The following SORCS2 variants were observed in gnomAD, a reference collection of about 807,000 sequenced individuals.
SORCS2 encodes the protein sortilin related VPS10 domain containing receptor 2, also known as VPS10 domain-containing receptor SorCS2.
A neutral mutation model predicts 141.6 loss-of-function variants in SORCS2; 100 were observed. That is an observed-to-expected ratio of 0.71 (90% CI 0.60 to 0.83). The LOEUF is 0.83. Ranked by LOEUF, SORCS2 falls within the 40% of genes least tolerant of loss-of-function variation. SORCS2 has a pLI of 0.00. For synonymous variants in SORCS2, 789 were observed against 676.9 expected (o/e 1.17, Z -2.57); for missense variants, 1,646 against 1,560.2 (o/e 1.05, Z -0.93).
At chr4:7,413,710 C>T (rs943323492) in intron 2 of SORCS2, among the ~76,000 whole-genome samples, 4 of 152,076 alleles carry the variant, frequency 2.6e-5, no homozygotes, top group Non-Finnish European at 5.9e-5. Context: ...TTTTTAATGG[C>T]TGTATAATAT....
At chr4:7,443,084 G>A (rs1365205735) in intron 2 of SORCS2, among the ~76,000 whole-genome samples, 2 of 152,186 alleles carry the variant, frequency 1.3e-5, no homozygotes, top group Non-Finnish European at 2.9e-5. Flanking sequence ...ATTGGATTTA[G>A]GGCCCATCTG....
rs115698327 is a variant in SORCS2 at position 7,209,180 on chromosome 4, C to T, written c.480+16054C>T. 8.8e-3 allele frequency among the ~76,000 whole-genome samples: 1,342 copies of T among 152,332 alleles called. 14 individuals are homozygous for T. Among genetic ancestry groups the T allele is most frequent in the African/African-American group, 0.028 (1,182 of 41,558 alleles). ...ACATGTGGAGGTCTTGCCCCGGTGC[C>T]GGACAGCCAGCATATGCTCAGATGC... On this transcript the variant is annotated intron_variant, in intron 1 of 26. Coordinates refer to ENST00000507866, the MANE Select transcript of SORCS2 (RefSeq NM_020777.3).
At chr4:7,634,928 G>T (rs1247105576) in intron 3 of SORCS2, among the ~76,000 whole-genome samples, 2 of 152,216 alleles carry the variant, frequency 1.3e-5, no homozygotes, top group Non-Finnish European at 2.9e-5. Context: ...GCATCCTCCA[G>T]CGTGCCTGGC....
chr4:7,392,898 CGGG>C (rs11299698), intron 1 of SORCS2, among the ~76,000 whole-genome samples: 7,694 of 137,652 alleles, frequency 0.056, 401 homozygotes, highest in African/African-American at 0.12. Flanking sequence ...CCCTCCCAGT[CGGG>C]GGGGGGGGGG....
chr4:7,362,166 G>A (rs1335806261), intron 1 of SORCS2, among the ~76,000 whole-genome samples: 3 of 152,060 alleles, frequency 2.0e-5, no homozygotes, highest in African/African-American at 7.3e-5. Context: ...AGAACAAGAT[G>A]GCAAGATGGG....
intron 11 of SORCS2, 49 bp downstream of exon 11, chr4:7,689,637 G>A (rs1724090859): frequency 7.3e-6 from 11 of 1,503,690 alleles, no homozygotes; most frequent in Non-Finnish European, 9.9e-6. Flanking sequence ...TACAGCCCAA[G>A]AGTACCTCCA....
At chr4:7,435,071 A>G in intron 2 of SORCS2, 1 of 615,930 alleles carries the variant, frequency 1.6e-6, no homozygotes. Context: ...CTGGAACACT[A>G]TCCCTCCCCT....
intron 4 of SORCS2, among the ~76,000 whole-genome samples, chr4:7,640,346 G>A (rs958841766): frequency 6.7e-6 from 1 of 150,296 alleles, no homozygotes; most frequent in Non-Finnish European, 1.5e-5. Flanking sequence ...GTGTGAGAGT[G>A]TGAGAGCCTA....
intron 2 of SORCS2, chr4:7,433,566 G>A (rs771762019): frequency 1.2e-6 from 2 of 1,611,668 alleles, no homozygotes; most frequent in South Asian, 2.2e-5. Flanking sequence ...CGAAGTGCTT[G>A]CACTGGATCA....
intron 3 of SORCS2, among the ~76,000 whole-genome samples, chr4:7,610,818 G>C (rs1030084960): frequency 3.9e-5 from 6 of 152,176 alleles, no homozygotes; most frequent in African/African-American, 1.4e-4. Flanking sequence ...GCCAAGGTGG[G>C]TGGAAGAGCA....
intron 2 of SORCS2, among the ~76,000 whole-genome samples, chr4:7,528,536 G>T (rs1043593378): frequency 3.3e-5 from 5 of 151,954 alleles, no homozygotes; most frequent in African/African-American, 1.2e-4. Flanking sequence ...AGAGATTCTC[G>T]TGCCTCAGCC....
At chr4:7,439,470 T>C (rs1229421366) in intron 2 of SORCS2, among the ~76,000 whole-genome samples, 1 of 152,232 alleles carries the variant, frequency 6.6e-6, no homozygotes, top group Non-Finnish European at 1.5e-5. Flanking sequence ...TCTGCTGAGA[T>C]AAATTTCACC....
chr4:7,511,480 AG>A (rs11362691), intron 2 of SORCS2, among the ~76,000 whole-genome samples: 4,201 of 132,178 alleles, frequency 0.032, 104 homozygotes, highest in African/African-American at 0.077. Flanking sequence ...AACTTGGGGG[AG>A]GGGGGGTGGA....
chr4:7,682,296 G>A (rs1723573243), intron 9 of SORCS2, among the ~76,000 whole-genome samples: 1 of 152,132 alleles, frequency 6.6e-6, no homozygotes, highest in Non-Finnish European at 1.5e-5. Context: ...GGGGTCCGCA[G>A]AGGCAAGCCC....
chr4:7,326,518 C>G (rs547779807), intron 1 of SORCS2, among the ~76,000 whole-genome samples: 62 of 152,272 alleles, frequency 4.1e-4, no homozygotes, highest in African/African-American at 1.4e-3. Context: ...GGAACCTTGC[C>G]GAGGTCTGTT....
intron 3 of SORCS2, among the ~76,000 whole-genome samples, chr4:7,612,181 G>A (rs1718449373): frequency 6.6e-6 from 1 of 152,206 alleles, no homozygotes; most frequent in Admixed American, 6.5e-5. Flanking sequence ...TCATCAGCCA[G>A]GATGCGGGAG....
intron 1 of SORCS2, among the ~76,000 whole-genome samples, chr4:7,200,798 C>A (rs995004117): frequency 7.9e-5 from 12 of 152,192 alleles, no homozygotes; most frequent in Non-Finnish European, 1.6e-4. Flanking sequence ...GTGTGTCAGG[C>A]CAGTGCTGGG....
At chr4:7,441,217 T>C (rs547905881) in intron 2 of SORCS2, among the ~76,000 whole-genome samples, 1 of 152,134 alleles carries the variant, frequency 6.6e-6, no homozygotes, top group Non-Finnish European at 1.5e-5. Context: ...TGTTGGCTGC[T>C]TCTGGGAAGG....
chr4:7,680,618 T>A (rs1477887697), intron 9 of SORCS2, among the ~76,000 whole-genome samples: 1 of 152,256 alleles, frequency 6.6e-6, no homozygotes, highest in Non-Finnish European at 1.5e-5. Context: ...CACAGCATCC[T>A]ATGCAGATAA....
Sources: allele counts gnomAD v4.1 joint callset (sites outside exome capture counted in the v4.1 genomes callset), GRCh38; gene constraint gnomAD v4.1.1; transcripts MANE v1.5; gene names NCBI Gene and HGNC (gene_info 2026-07-23, HGNC 2026-07-21).